The following CRIM1 variants were observed in gnomAD, a reference collection of about 807,000 sequenced individuals.
The protein encoded by CRIM1 is cysteine-rich motor neuron 1 protein.
A neutral mutation model predicts 116.4 loss-of-function variants in CRIM1; 32 were observed. The ratio of observed to expected loss-of-function variants is 0.27; its 90% CI spans 0.21 to 0.37. The LOEUF is 0.37. Among genes scored for constraint, CRIM1 ranks in the 10% least tolerant of loss-of-function variants. The probability of loss-of-function intolerance (pLI) is 1.00; values close to 1 mark genes in which losing one functional copy is unlikely to be tolerated. For synonymous variants in CRIM1, 590 were observed against 509.2 expected, an observed-to-expected ratio of 1.16 and a Z score of -2.13; for missense variants, 1,331 against 1,354.8, an observed-to-expected ratio of 0.98 and a Z score of 0.28.
intron 13 of CRIM1, among the ~76,000 whole-genome samples, chr2:36,522,801 C>CA (rs1388959317): frequency 0.3 from 31,888 of 105,482 alleles, 5,439 homozygotes; most frequent in East Asian, 0.47. Context: ...GACTCCATCT[C>CA]AAAAAAAAAA....
At chr2:36,387,798 A>G (rs911580130) in intron 1 of CRIM1, among the ~76,000 whole-genome samples, 6 of 152,242 alleles carry the variant, frequency 3.9e-5, no homozygotes, top group Non-Finnish European at 8.8e-5. Flanking sequence ...AAAGCCATTT[A>G]TAAGATGTCT....
intron 4 of CRIM1, among the ~76,000 whole-genome samples, chr2:36,460,654 AG>A (rs1677511070): frequency 1.3e-5 from 2 of 152,214 alleles, no homozygotes; most frequent in African/African-American, 2.4e-5. Flanking sequence ...GAGAAATCTC[AG>A]TGCTCTCCTC....
At chr2:36,501,606 C>G (rs1681000347) in intron 8 of CRIM1, among the ~76,000 whole-genome samples, 2 of 152,128 alleles carry the variant, frequency 1.3e-5, no homozygotes, top group Non-Finnish European at 2.9e-5. Context: ...CCTGTAGTTC[C>G]AGCTACTCAA....
At position 36,479,606 on chromosome 2, in the gene CRIM1, C is replaced by T. The variant is rs752849582; in HGVS notation, c.1284C>T (p.Asn428=). The T allele has an allele frequency of 9.9e-6, 16 of 1,614,102 alleles. No homozygotes were observed. Among genetic ancestry groups the T allele is most frequent in the African/African-American group, 5.3e-5 (4 of 74,940 alleles). ...EDDCTFCQCV[N]GERHCVATVC... is the part of the protein sequence containing the mutation. Reference sequence around the variant, plus strand: ...ACTGCACATTCTGCCAGTGCGTCAACGGTGAACGCCACTGCGTTGCGACCG... The same window carrying T: ...ACTGCACATTCTGCCAGTGCGTCAATGGTGAACGCCACTGCGTTGCGACCG... The change falls in exon 7 of 17, where the codon AAC becomes AAT. Residue 428 remains asparagine, a synonymous_variant. Transcript: ENST00000280527.
At chr2:36,475,307 T>G (rs1023023606) in intron 5 of CRIM1, among the ~76,000 whole-genome samples, 1 of 152,258 alleles carries the variant, frequency 6.6e-6, no homozygotes, top group African/African-American at 2.4e-5. Context: ...TTTGTACTTA[T>G]GTTATTACAT....
intron 2 of CRIM1, among the ~76,000 whole-genome samples, chr2:36,401,306 C>T (rs1167037926): frequency 6.6e-6 from 1 of 152,166 alleles, no homozygotes; most frequent in African/African-American, 2.4e-5. Flanking sequence ...AAATAGGATA[C>T]TGGATAACAG....
chr2:36,457,260 A>G (rs1472818730), intron 4 of CRIM1, among the ~76,000 whole-genome samples: 1 of 152,178 alleles, frequency 6.6e-6, no homozygotes. Flanking sequence ...TGAACAGTAT[A>G]CACTGAACCC....
At chr2:36,504,516 G>A (rs371954986) in intron 8 of CRIM1, among the ~76,000 whole-genome samples, 10 of 152,144 alleles carry the variant, frequency 6.6e-5, no homozygotes, top group Admixed American at 3.9e-4. Context: ...GTAATTTGCC[G>A]TTTTAATCGG....
At chr2:36,520,514 A>G (rs973249457) in intron 12 of CRIM1, among the ~76,000 whole-genome samples, 6 of 152,216 alleles carry the variant, frequency 3.9e-5, no homozygotes, top group Non-Finnish European at 4.4e-5. Flanking sequence ...CCATCTTACT[A>G]TCTCTAACCT....
chr2:36,414,476 C>G (rs564294567), intron 2 of CRIM1, among the ~76,000 whole-genome samples: 2 of 152,282 alleles, frequency 1.3e-5, no homozygotes, highest in Admixed American at 1.3e-4. Context: ...AGATTCAGGG[C>G]AAACAAGACA....
intron 1 of CRIM1, among the ~76,000 whole-genome samples, chr2:36,374,863 T>G (rs975234081): frequency 8.4e-5 from 1 of 11,930 alleles, no homozygotes; most frequent in Admixed American, 1.1e-3. Flanking sequence ...CTCTTGATGT[T>G]TTTTTTTTTG....
chr2:36,536,433 C>A (rs749819478), intron 13 of CRIM1, among the ~76,000 whole-genome samples: 1 of 152,084 alleles, frequency 6.6e-6, no homozygotes, highest in Non-Finnish European at 1.5e-5. Flanking sequence ...ACAAAATGTC[C>A]CCGGATTAGT....
At chr2:36,400,639 C>T (rs1327341742) in intron 2 of CRIM1, among the ~76,000 whole-genome samples, 2 of 152,150 alleles carry the variant, frequency 1.3e-5, no homozygotes, top group Non-Finnish European at 2.9e-5. Flanking sequence ...AAGCCATTCC[C>T]ATTTGAGAAG....
intron 4 of CRIM1, among the ~76,000 whole-genome samples, chr2:36,457,162 T>C (rs1209380898): frequency 6.6e-6 from 1 of 152,164 alleles, no homozygotes; most frequent in East Asian, 1.9e-4. Flanking sequence ...ATAAATTTTT[T>C]ATTTCCATAG....
At chr2:36,419,967 G>T (rs1673924261) in intron 2 of CRIM1, among the ~76,000 whole-genome samples, 1 of 152,114 alleles carries the variant, frequency 6.6e-6, no homozygotes, top group Non-Finnish European at 1.5e-5. Flanking sequence ...TGTTGATCTT[G>T]TGACTTTAAA....
Position 36,548,728 on chromosome 2 carries a change from A to G in CRIM1, c.*27A>G, listed in dbSNP as rs2125202503. 1.3e-6 allele frequency: 2 copies of G among 1,549,308 alleles called. No individual in the cohort carries two copies. Among genetic ancestry groups the G allele is most frequent in the Non-Finnish European group, 1.7e-6 (2 of 1,151,410 alleles). On this transcript the variant is annotated 3_prime_UTR_variant, in exon 17 of 17. Coordinates refer to ENST00000280527, the MANE Select transcript of CRIM1 (RefSeq NM_016441.3). ...GAAAGGCAACTAGGATGAGGTTTCA[A>G]AAGACGGAAGACGACTAAATCTGCT...
intron 8 of CRIM1, among the ~76,000 whole-genome samples, chr2:36,506,463 A>G (rs565440797): frequency 1.4e-4 from 22 of 152,302 alleles, no homozygotes; most frequent in Non-Finnish European, 2.2e-4. Flanking sequence ...TCTAGGGGAC[A>G]CCATCCACAG....
intron 7 of CRIM1, among the ~76,000 whole-genome samples, chr2:36,492,637 A>T (rs1158567427): frequency 6.6e-6 from 1 of 152,220 alleles, no homozygotes; most frequent in African/African-American, 2.4e-5. Context: ...TTTGAAAAGC[A>T]TCTGTGTTAA....
At chr2:36,399,827 G>A (rs754746541) in intron 2 of CRIM1, among the ~76,000 whole-genome samples, 9 of 152,354 alleles carry the variant, frequency 5.9e-5, no homozygotes, top group African/African-American at 9.6e-5. Flanking sequence ...CATTGAGATG[G>A]AAGAAAGGGT....
Sources: gnomAD v4.1 joint callset for allele counts (sites outside exome capture counted in the v4.1 genomes callset) on GRCh38, gnomAD v4.1.1 for gene constraint, MANE v1.5 for transcripts, NCBI Gene and HGNC (gene_info 2026-07-23, HGNC 2026-07-21) for gene names.